CNTN4: variants seen among roughly 807,000 people sequenced by gnomAD.
The protein encoded by CNTN4 is contactin-4.
In CNTN4, 77 loss-of-function variants were observed where a neutral mutation model predicts 122.5. The observed-to-expected ratio is 0.63, with a 90% CI of 0.52 to 0.76. The LOEUF is 0.76. CNTN4 is among the 30% of genes least tolerant of loss of function. The pLI is 0.00. For synonymous variants in CNTN4, 512 were observed against 447.0 expected, an observed-to-expected ratio of 1.15 and a Z score of -1.83; for missense variants, 1,256 against 1,259.1, an observed-to-expected ratio of 1.00 and a Z score of 0.04.
intron 14 of CNTN4, among the ~76,000 whole-genome samples, chr3:3,004,369 C>G (rs148279464): frequency 6.6e-6 from 1 of 151,460 alleles, no homozygotes; most frequent in Non-Finnish European, 1.5e-5. Flanking sequence ...GGAGAATAGT[C>G]CCCCCATCAG....
intron 3 of CNTN4, among the ~76,000 whole-genome samples, chr3:2,368,799 C>A (rs1489953710): frequency 6.6e-6 from 1 of 152,170 alleles, no homozygotes; most frequent in Admixed American, 6.5e-5. Flanking sequence ...GGTTAACTTA[C>A]AGCCACATCT....
At chr3:2,505,758 G>T (rs1165367199) in intron 3 of CNTN4, among the ~76,000 whole-genome samples, 1 of 152,180 alleles carries the variant, frequency 6.6e-6, no homozygotes, top group African/African-American at 2.4e-5. Flanking sequence ...AGGTAGAAAG[G>T]TGTGAATTTA....
chr3:2,340,710 T>TATAGAGAGAGAGAGAGAGAGAGGGGGAG, intron 3 of CNTN4, among the ~76,000 whole-genome samples: 54 of 18,300 alleles, frequency 3.0e-3, no homozygotes, highest in Non-Finnish European at 6.2e-3. Context: ...TATATATATA[T>TATAGAGAGAGAGAGAGAGAGAGGGGGAG]AGAGAGAGAG....
At chr3:2,134,260 C>A (rs923786119) in intron 2 of CNTN4, among the ~76,000 whole-genome samples, 1 of 152,188 alleles carries the variant, frequency 6.6e-6, no homozygotes, top group Non-Finnish European at 1.5e-5. Context: ...AATAAAGATT[C>A]TCTGTCCCCA....
chr3:2,624,397 G>A lies in CNTN4; in HGVS notation c.55+52839G>A, dbSNP rs1419261785. ...AAAAATTTCTACTTTGATATATTCA[G>A]TACAATATATTTTGCCACAAGTCAG... On this transcript the variant is annotated intron_variant, in intron 4 of 24. Transcript: ENST00000418658. Among the ~76,000 whole-genome samples the A allele has an allele frequency of 2.0e-5, 3 of 151,968 alleles. No homozygotes were observed. In the East Asian group the frequency reaches 5.8e-4, roughly 29 times the overall value.
chr3:3,025,253 T>C (rs1306348673), intron 14 of CNTN4, among the ~76,000 whole-genome samples: 1 of 152,140 alleles, frequency 6.6e-6, no homozygotes, highest in Non-Finnish European at 1.5e-5. Flanking sequence ...TTAAAGCGAA[T>C]TGATGGTCCT....
chr3:3,036,775 T>C (rs1329814745), intron 17 of CNTN4, among the ~76,000 whole-genome samples: 8 of 121,154 alleles, frequency 6.6e-5, no homozygotes, highest in Non-Finnish European at 1.4e-4. Context: ...AGACCCTGTC[T>C]CAAAAAAAGA....
chr3:2,582,713 C>G (rs912165350), intron 4 of CNTN4, among the ~76,000 whole-genome samples: 3 of 152,132 alleles, frequency 2.0e-5, no homozygotes, highest in African/African-American at 7.2e-5. Flanking sequence ...CTTGAAGATG[C>G]AGGATAGGCA....
chr3:2,980,940 T>G (rs373503593), intron 13 of CNTN4, among the ~76,000 whole-genome samples: 1 of 152,146 alleles, frequency 6.6e-6, no homozygotes, highest in Non-Finnish European at 1.5e-5. Context: ...CCCTGTTGTC[T>G]GCTTCTTGCT....
rs74911028 is a variant in CNTN4 at position 2,591,216 on chromosome 3, C to A, written c.55+19658C>A. ...GCTACATCTCCATGATCACATTGTC[C>A]AGATGTTCAATAAATTTTTGAATAT... is the stretch of plus-strand genomic sequence containing the variant. On this transcript the variant is annotated intron_variant, in intron 4 of 24. Transcript: ENST00000418658. Among the ~76,000 whole-genome samples the A allele has an allele frequency of 3.1e-3, 465 of 152,208 alleles. 3 individuals are homozygous for A. The highest frequency in any genetic ancestry group is 0.011 in the African/African-American group (444 of 41,528).
intron 6 of CNTN4, among the ~76,000 whole-genome samples, chr3:2,818,921 A>G (rs1241444183): frequency 1.3e-5 from 2 of 152,266 alleles, no homozygotes; most frequent in Non-Finnish European, 2.9e-5. Context: ...AAAGAGAGAC[A>G]GTCACACTCT....
Position 2,883,029 on chromosome 3 carries a change from A to G in CNTN4, c.653-116A>G. The G allele has an allele frequency of 8.2e-6, 6 of 733,458 alleles. No homozygotes were observed. In the South Asian group the frequency reaches 9.0e-5, roughly 11 times the overall value. 45.4% of individuals were successfully genotyped at this position (733,458 alleles called of 1,614,324 possible). On this transcript the variant is annotated intron_variant, in intron 8 of 24. Coordinates refer to ENST00000418658, the MANE Select transcript of CNTN4 (RefSeq NM_175607.3). Reference sequence around the variant, plus strand: ...AGATAGGACCTGCTTTAAATGAAGGAATTAATTGTGCACATAATGATGTGT... The same window carrying G: ...AGATAGGACCTGCTTTAAATGAAGGGATTAATTGTGCACATAATGATGTGT...
At chr3:2,985,871 C>T (rs1435438335) in intron 13 of CNTN4, among the ~76,000 whole-genome samples, 3 of 151,346 alleles carry the variant, frequency 2.0e-5, no homozygotes, top group African/African-American at 7.3e-5. Flanking sequence ...ATGATGTTGT[C>T]CAATTTTTCC....
chr3:2,671,591 A>G lies in CNTN4; in HGVS notation c.56-64624A>G, dbSNP rs186221936. ...ATCTGAAGCCTTCTTCTCTCAACTC[A>G]TCAAAGTCATTTTCCATCTGCTTTG... On this transcript the variant is annotated intron_variant, in intron 4 of 24. Coordinates refer to ENST00000418658, the MANE Select transcript of CNTN4 (RefSeq NM_175607.3). Among the ~76,000 whole-genome samples, 1,329 of 152,102 alleles carry G rather than the reference A, an allele frequency of 8.7e-3. 8 individuals carry two copies. The highest frequency in any genetic ancestry group is 0.014 in the Non-Finnish European group (973 of 68,018).
Position 3,034,735 on chromosome 3 carries a change from G to A in CNTN4, c.1887G>A (p.Met629Ile). Residue 629 changes from methionine to isoleucine, a missense_variant, in exon 17 of 25, where the codon ATG becomes ATA. By Grantham distance (10) the Met-to-Ile change is conservative. Coordinates refer to ENST00000418658, the MANE Select transcript of CNTN4 (RefSeq NM_175607.3). Reference sequence around the variant, plus strand: ...CTGACAACCACAGCCCCATCACCATGTATGTCATTCAAGCCAGGACTCCAT... The same window carrying A: ...CTGACAACCACAGCCCCATCACCATATATGTCATTCAAGCCAGGACTCCAT... ...PGPDNHSPIT[M>I]YVIQARTPFS... The A allele has an allele frequency of 6.2e-7, 1 of 1,614,036 alleles. No individual in the cohort carries two copies. Among genetic ancestry groups the A allele is most frequent in the Non-Finnish European group, 8.5e-7 (1 of 1,180,002 alleles).
At chr3:2,807,773 A>AGAG (rs2092505960) in intron 6 of CNTN4, among the ~76,000 whole-genome samples, 1 of 152,172 alleles carries the variant, frequency 6.6e-6, no homozygotes, top group African/African-American at 2.4e-5. Context: ...TACAGAGTGA[A>AGAG]GAGTCTTCTA....
chr3:2,304,392 G>A (rs1022313416), intron 2 of CNTN4, among the ~76,000 whole-genome samples: 2 of 151,592 alleles, frequency 1.3e-5, no homozygotes, highest in Admixed American at 1.3e-4. Flanking sequence ...ATATTAGTTG[G>A]ATTATTAATC....
intron 4 of CNTN4, among the ~76,000 whole-genome samples, chr3:2,583,344 G>A (rs2080034357): frequency 6.6e-6 from 1 of 152,128 alleles, no homozygotes; most frequent in Non-Finnish European, 1.5e-5. Flanking sequence ...TGAGAAAACC[G>A]AAGAGCAAAA....
At chr3:2,482,229 C>T (rs2076026136) in intron 3 of CNTN4, among the ~76,000 whole-genome samples, 1 of 152,074 alleles carries the variant, frequency 6.6e-6, no homozygotes. Context: ...TGAAGAACTT[C>T]TTGGGAACTG....
Sources: allele counts gnomAD v4.1 joint callset (sites outside exome capture counted in the v4.1 genomes callset), GRCh38; gene constraint gnomAD v4.1.1; transcripts MANE v1.5; gene names NCBI Gene and HGNC (gene_info 2026-07-23, HGNC 2026-07-21).